SLCO2B1: variants seen among roughly 807,000 people sequenced by gnomAD.
SLCO2B1 encodes OATP-RP2.
In SLCO2B1, 41 loss-of-function variants were observed where a neutral mutation model predicts 67.3. The ratio of observed to expected loss-of-function variants is 0.61; its 90% confidence interval spans 0.47 to 0.79. The LOEUF (loss-of-function observed/expected upper bound fraction) is 0.79. Ranked by LOEUF, SLCO2B1 falls within the 30% of genes least tolerant of loss-of-function variation. SLCO2B1 has a pLI of 0.00. For missense variants in SLCO2B1, 837 were observed against 920.1 expected (o/e 0.91, Z 1.17); for synonymous variants, 379 against 381.4 (o/e 0.99, Z 0.07).
At chr11:75,152,135 C>T (rs1038295041) in intron 1 of SLCO2B1, among the ~76,000 whole-genome samples, 1 of 152,240 alleles carries the variant, frequency 6.6e-6, no homozygotes, top group African/African-American at 2.4e-5. Flanking sequence ...GACAAGGAAT[C>T]GCCTTGTAGC....
chr11:75,181,823 C>T (rs1950094876), intron 7 of SLCO2B1, among the ~76,000 whole-genome samples: 2 of 152,216 alleles, frequency 1.3e-5, no homozygotes, highest in Non-Finnish European at 2.9e-5. Context: ...AGATGGGTCA[C>T]ACTGCAATCC....
At chr11:75,166,817 G>A (rs1423111361) in intron 4 of SLCO2B1, among the ~76,000 whole-genome samples, 1 of 152,142 alleles carries the variant, frequency 6.6e-6, no homozygotes, top group East Asian at 1.9e-4. Context: ...GAAGCACAGG[G>A]GTGGGAGGAG....
chr11:75,206,131 C>A lies in SLCO2B1; in HGVS notation c.*1551C>A, dbSNP rs1945273721. On this transcript the variant is annotated 3_prime_UTR_variant, in exon 14 of 14. Coordinates refer to ENST00000289575, the MANE Select transcript of SLCO2B1 (RefSeq NM_007256.5). ...ATCAACGCCAAGAATTTCAAAGTCT[C>A]CTTCAACAATATGAGGCTTTTAGGA... is the stretch of plus-strand genomic sequence containing the variant. The A allele has an allele frequency of 6.6e-6, 1 of 152,212 alleles. No individual in the cohort carries two copies. The highest frequency in any genetic ancestry group is 6.5e-5 in the Admixed American group (1 of 15,288). 9.4% of individuals were successfully genotyped at this position (152,212 alleles called of 1,614,324 possible). A position where few individuals can be genotyped will look rare whatever the true frequency, so the allele number is the denominator to read the frequency against.
In SLCO2B1 at chr11:75,199,310, A is replaced by T. The variant is rs1212523574; in HGVS notation, c.1600-914A>T. Among the ~76,000 whole-genome samples the T allele has an allele frequency of 3.3e-5, 5 of 151,512 alleles. No individual in the cohort carries two copies. The East Asian group carries it at 9.7e-4, about 29-fold the overall frequency. On this transcript the variant is annotated intron_variant, in intron 10 of 13. Coordinates refer to ENST00000289575, the MANE Select transcript of SLCO2B1 (RefSeq NM_007256.5). ...CCCAACCCTAAGTGCTCACGTGCTC[A>T]CTCTCTCTTGCCTTTGTCTGATTCC...
rs753250076 is a variant in SLCO2B1 at position 75,169,174 on chromosome 11, G to A, written c.450G>A (p.Glu150=). The change falls in exon 5 of 14, where the codon GAG becomes GAA. Residue 150 remains glutamate (E), a splice_region_variant and synonymous_variant. Transcript: ENST00000289575. ...TATTTTTTCATTGTCGTCTCTCAGA[G>A]GATATGCCACAGGACTTCAAGGCTT... ...EPYRYDNTSP[E]DMPQDFKASL... 6 of 1,611,106 alleles carry A rather than the reference G, an allele frequency of 3.7e-6. No individual in the cohort carries two copies.
At chr11:75,172,745 C>G (rs760540113) in intron 7 of SLCO2B1, among the ~76,000 whole-genome samples, 176 bp downstream of exon 7, 2 of 152,164 alleles carry the variant, frequency 1.3e-5, no homozygotes, top group Non-Finnish European at 2.9e-5. Flanking sequence ...CTGGCTAACA[C>G]GGTGAAACCC....
rs892135170 is a variant in SLCO2B1 at position 75,188,072 on chromosome 11, C to G, written c.973-64C>G. ...TCCAAGACCTCTCCTCCCCAGCCCA[C>G]AGCCAACTCTGAGTGGGGTTGCTGG... On this transcript the variant is annotated intron_variant, in intron 7 of 13. Coordinates refer to ENST00000289575, the MANE Select transcript of SLCO2B1 (RefSeq NM_007256.5). The G allele has an allele frequency of 6.8e-6, 8 of 1,177,280 alleles. No homozygotes were observed. In the African/African-American group the frequency reaches 1.1e-4, roughly 16 times the overall value. 72.9% of individuals were successfully genotyped at this position (1,177,280 alleles called of 1,614,324 possible).
chr11:75,156,687 A>C (rs1013741546), intron 1 of SLCO2B1, among the ~76,000 whole-genome samples: 2 of 152,244 alleles, frequency 1.3e-5, no homozygotes, highest in Non-Finnish European at 2.9e-5. Flanking sequence ...TTATTAGGAA[A>C]GTAAAGGAAT....
chr11:75,194,189 T>G (rs2140338908), intron 9 of SLCO2B1, among the ~76,000 whole-genome samples: 1 of 152,366 alleles, frequency 6.6e-6, no homozygotes, highest in East Asian at 1.9e-4. Context: ...AGGCAGCACC[T>G]GCCTCTGCCC....
chr11:75,195,025 C>T (rs750617781), intron 9 of SLCO2B1, among the ~76,000 whole-genome samples: 18 of 152,188 alleles, frequency 1.2e-4, no homozygotes, highest in African/African-American at 2.4e-4. Context: ...CTTCGCTCAG[C>T]GTCTTCCCAC....
intron 7 of SLCO2B1, among the ~76,000 whole-genome samples, chr11:75,186,979 C>A (rs1176891406): frequency 6.6e-6 from 1 of 152,206 alleles, no homozygotes; most frequent in African/African-American, 2.4e-5. Flanking sequence ...CACTTATTAT[C>A]TGTGTGAAAT....
intron 1 of SLCO2B1, among the ~76,000 whole-genome samples, chr11:75,156,422 A>G (rs1479405878): frequency 6.6e-6 from 1 of 151,930 alleles, no homozygotes; most frequent in Non-Finnish European, 1.5e-5. Context: ...TGGCAGGGGG[A>G]TCTGCAGGCC....
At chr11:75,181,936 A>G (rs138695821) in intron 7 of SLCO2B1, among the ~76,000 whole-genome samples, 5 of 152,364 alleles carry the variant, frequency 3.3e-5, no homozygotes, top group Non-Finnish European at 7.3e-5. Context: ...TGGAGAACAC[A>G]GGGTCAGGAG....
At chr11:75,151,811 G>T in intron 1 of SLCO2B1, 1 of 206,240 alleles carries the variant, frequency 4.8e-6, no homozygotes, top group Non-Finnish European at 9.7e-6. Context: ...ACAGGAGGTC[G>T]GAGAACACAA....
intron 7 of SLCO2B1, among the ~76,000 whole-genome samples, chr11:75,182,780 C>T (rs1173272177): frequency 6.6e-6 from 1 of 151,770 alleles, no homozygotes; most frequent in African/African-American, 2.4e-5. Context: ...TAGGAATGTA[C>T]ACGTGGGAGC....
intron 8 of SLCO2B1, among the ~76,000 whole-genome samples, chr11:75,188,528 C>G (rs964428164): frequency 6.6e-6 from 1 of 152,174 alleles, no homozygotes. Flanking sequence ...AAGTTTGAGA[C>G]CAGACTGGCC....
At chr11:75,203,502 G>C (rs893875295) in intron 13 of SLCO2B1, 75 bp downstream of exon 13, 1 of 1,582,696 alleles carries the variant, frequency 6.3e-7, no homozygotes, top group African/African-American at 1.3e-5. Context: ...TACCAGCAGG[G>C]AGGGGAGGTT....
intron 13 of SLCO2B1, 43 bp from the exon 14 acceptor site, chr11:75,204,357 G>A: frequency 6.5e-7 from 1 of 1,547,452 alleles, no homozygotes; most frequent in East Asian, 2.3e-5. Context: ...CCATGCCCTG[G>A]CCTGGCAGCT....
intron 5 of SLCO2B1, 37 bp from the exon 6 acceptor site, chr11:75,169,629 A>G (rs1370965177): frequency 1.9e-6 from 3 of 1,556,910 alleles, no homozygotes; most frequent in Non-Finnish European, 2.6e-6. Context: ...GAGGGAAGCC[A>G]GGGCCAGAGG....
Sources: gnomAD v4.1 joint callset for allele counts (sites outside exome capture counted in the v4.1 genomes callset) on GRCh38, gnomAD v4.1.1 for gene constraint, MANE v1.5 for transcripts, NCBI Gene and HGNC (gene_info 2026-07-23, HGNC 2026-07-21) for gene names.